Variants in AUTS2 observed in about 807,000 individuals in gnomAD.
The protein encoded by AUTS2 is autism susceptibility gene 2 protein.
In AUTS2, 17 loss-of-function variants were observed where a neutral mutation model predicts 112.4. The observed-to-expected ratio is 0.15, with a 90% CI of 0.10 to 0.23. The LOEUF is 0.23. Ranked by LOEUF, AUTS2 falls within the 10% of genes least tolerant of loss-of-function variation. The pLI is 1.00. For synonymous variants in AUTS2, 751 were observed against 702.7 expected (o/e 1.07, Z -1.09); for missense variants, 1,510 against 1,701.6 (o/e 0.89, Z 1.98).
chr7:69,653,341 A>G (rs116957599), intron 1 of AUTS2, among the ~76,000 whole-genome samples: 1 of 152,212 alleles, frequency 6.6e-6, no homozygotes, highest in Non-Finnish European at 1.5e-5. Flanking sequence ...CCTGAAGAAC[A>G]GTTTTATGAT....
intron 5 of AUTS2, among the ~76,000 whole-genome samples, chr7:70,442,469 G>A (rs1183345770): frequency 6.6e-6 from 1 of 151,952 alleles, no homozygotes; most frequent in East Asian, 1.9e-4. Flanking sequence ...TATGGTTCTT[G>A]GCTGAGTCTC....
At chr7:70,014,207 G>C in intron 2 of AUTS2, among the ~76,000 whole-genome samples, 1 of 152,154 alleles carries the variant, frequency 6.6e-6, no homozygotes, top group Admixed American at 6.5e-5. Flanking sequence ...GGAAGATTCC[G>C]AACTTGAGGC....
At chr7:69,899,188 T>C in intron 1 of AUTS2, 98 bp from the exon 2 acceptor site, 1 of 863,704 alleles carries the variant, frequency 1.2e-6, no homozygotes, top group African/African-American at 1.7e-5. Flanking sequence ...CCTCTCCCAC[T>C]TAGTAGTAAC....
chr7:70,009,623 T>G (rs1237011584), intron 2 of AUTS2, among the ~76,000 whole-genome samples: 1 of 152,232 alleles, frequency 6.6e-6, no homozygotes, highest in East Asian at 1.9e-4. Flanking sequence ...GACAAAGATC[T>G]TCTATAATAA....
chr7:70,539,219 G>T (rs1183351601), intron 5 of AUTS2, among the ~76,000 whole-genome samples: 1 of 152,100 alleles, frequency 6.6e-6, no homozygotes, highest in Admixed American at 6.6e-5. Context: ...ATCTCCAATT[G>T]CTCTCTGGTC....
chr7:69,735,472 A>T (rs1786988110), intron 1 of AUTS2, among the ~76,000 whole-genome samples: 2 of 152,188 alleles, frequency 1.3e-5, no homozygotes, highest in Admixed American at 1.3e-4. Context: ...CCTTTGAGAG[A>T]TACTACTTTT....
intron 4 of AUTS2, among the ~76,000 whole-genome samples, chr7:70,297,431 T>C (rs1425869748): frequency 6.6e-6 from 1 of 151,018 alleles, no homozygotes; most frequent in African/African-American, 2.4e-5. Flanking sequence ...AGATAATTTT[T>C]TTTTTTTTTT....
chr7:69,911,668 G>A (rs192724801), intron 2 of AUTS2, among the ~76,000 whole-genome samples: 118 of 152,278 alleles, frequency 7.7e-4, no homozygotes, highest in African/African-American at 2.7e-3. Flanking sequence ...GAGGCGAGCC[G>A]CAGTGGTAGC....
intron 1 of AUTS2, among the ~76,000 whole-genome samples, chr7:69,617,464 GGAA>G (rs1173029693): frequency 2.0e-5 from 3 of 152,166 alleles, no homozygotes; most frequent in African/African-American, 4.8e-5. Flanking sequence ...AAGGCTTTGA[GGAA>G]GAAGGAGTGG....
At chr7:69,894,126 C>A (rs182278852) in intron 1 of AUTS2, among the ~76,000 whole-genome samples, 1 of 152,178 alleles carries the variant, frequency 6.6e-6, no homozygotes, top group South Asian at 2.1e-4. Flanking sequence ...GTACACTTAC[C>A]CCCTCTATTG....
intron 4 of AUTS2, among the ~76,000 whole-genome samples, chr7:70,242,370 C>T (rs989856443): frequency 4.1e-4 from 62 of 152,056 alleles, no homozygotes; most frequent in Non-Finnish European, 9.0e-4. Context: ...TCATCTTTGG[C>T]TCTCCTCTCT....
chr7:70,035,423 C>A (rs1800957707), intron 2 of AUTS2, among the ~76,000 whole-genome samples: 1 of 152,136 alleles, frequency 6.6e-6, no homozygotes, highest in Non-Finnish European at 1.5e-5. Flanking sequence ...GCTGTTGGGT[C>A]AGTGATGCCT....
At chr7:69,659,473 C>T (rs1795687135) in intron 1 of AUTS2, among the ~76,000 whole-genome samples, 2 of 142,002 alleles carry the variant, frequency 1.4e-5, no homozygotes, top group South Asian at 2.3e-4. Context: ...TTTTTCAAAA[C>T]GCCGCTATAC....
intron 5 of AUTS2, among the ~76,000 whole-genome samples, chr7:70,454,380 C>CA (rs1479281547): frequency 6.6e-6 from 1 of 151,838 alleles, no homozygotes; most frequent in Admixed American, 6.6e-5. Context: ...ACTAAAAATA[C>CA]AAAAAAATTA....
chr7:70,165,418 A>G (rs1471734522), intron 4 of AUTS2, among the ~76,000 whole-genome samples: 1 of 152,202 alleles, frequency 6.6e-6, no homozygotes, highest in African/African-American at 2.4e-5. Flanking sequence ...GAAAAAAATA[A>G]ATATTCATGC....
chr7:69,952,118 G>A (rs1203035132), intron 2 of AUTS2, among the ~76,000 whole-genome samples: 9 of 151,480 alleles, frequency 5.9e-5, no homozygotes, highest in African/African-American at 1.9e-4. Context: ...TTTTTTTGTA[G>A]TTTTCTCTCA....
chr7:70,185,564 G>T (rs982800342), intron 4 of AUTS2, among the ~76,000 whole-genome samples: 2 of 152,142 alleles, frequency 1.3e-5, no homozygotes, highest in African/African-American at 4.8e-5. Context: ...TTTAATTGTG[G>T]CTTGTGAAGA....
intron 5 of AUTS2, among the ~76,000 whole-genome samples, chr7:70,525,927 C>G (rs936770110): frequency 1.3e-5 from 2 of 152,234 alleles, no homozygotes; most frequent in African/African-American, 4.8e-5. Flanking sequence ...CTCACAGCAG[C>G]TCATCTTCTG....
intron 2 of AUTS2, among the ~76,000 whole-genome samples, chr7:70,054,126 T>A (rs1584644634): frequency 6.6e-6 from 1 of 152,200 alleles, no homozygotes; most frequent in Non-Finnish European, 1.5e-5. Context: ...GCATTTGATA[T>A]GTGGCTAGTG....
Sources: gnomAD v4.1 joint callset for allele counts (sites outside exome capture counted in the v4.1 genomes callset) on GRCh38, gnomAD v4.1.1 for gene constraint, MANE v1.5 for transcripts, NCBI Gene and HGNC (gene_info 2026-07-23, HGNC 2026-07-21) for gene names.